Variants in PDE10A observed in about 807,000 individuals in gnomAD.
PDE10A encodes phosphodiesterase 10A.
A neutral mutation model predicts 97.7 loss-of-function variants in PDE10A; 39 were observed. That is an observed-to-expected ratio of 0.40 (90% CI 0.31 to 0.52). The LOEUF (loss-of-function observed/expected upper bound fraction) is 0.52, where lower values mean the gene tolerates loss of function less well. Ranked by LOEUF, PDE10A falls within the 20% of genes least tolerant of loss-of-function variation. The pLI is 0.56. For missense variants in PDE10A, 731 were observed against 1,047.8 expected (o/e 0.70, Z 4.17); for synonymous variants, 371 against 376.8 (o/e 0.98, Z 0.18).
rs5881672 is a variant in PDE10A at position 165,984,703 on chromosome 6, ATT to A, written c.-615+2824_-615+2825del. On this transcript the variant is annotated intron_variant, in intron 1 of 19. Transcript: ENST00000366882. ...GTGCTTGAATTTCTTACCAAATGCC[ATT>A]TTTTTTTTCAGTAAAAGTAACTTAA... 2.5e-3 allele frequency among the ~76,000 whole-genome samples: 377 copies of A among 151,578 alleles called. 2 individuals carry two copies. Among genetic ancestry groups the A allele is most frequent in the East Asian group, 7.7e-3 (40 of 5,168 alleles).
intron 1 of PDE10A, among the ~76,000 whole-genome samples, chr6:165,741,541 A>G (rs1331749658): frequency 1.3e-5 from 2 of 152,212 alleles, no homozygotes; most frequent in Non-Finnish European, 2.9e-5. Flanking sequence ...TTTGACTATT[A>G]GTAGTAAAGT....
chr6:165,408,193 A>G (rs1224547064), intron 13 of PDE10A, among the ~76,000 whole-genome samples: 1 of 152,240 alleles, frequency 6.6e-6, no homozygotes, highest in Non-Finnish European at 1.5e-5. Flanking sequence ...CAAGATCAAC[A>G]CAATTAAAAT....
At chr6:165,495,486 T>A (rs957322892) in intron 2 of PDE10A, among the ~76,000 whole-genome samples, 21 of 152,180 alleles carry the variant, frequency 1.4e-4, no homozygotes, top group African/African-American at 5.1e-4. Flanking sequence ...TTTTTTAATA[T>A]GCAAGATAGC....
chr6:165,834,133 T>G (rs1780006326), intron 1 of PDE10A, among the ~76,000 whole-genome samples: 1 of 152,232 alleles, frequency 6.6e-6, no homozygotes, highest in Admixed American at 6.5e-5. Context: ...TGGCAACACC[T>G]GGGACCACAT....
intron 3 of PDE10A, among the ~76,000 whole-genome samples, chr6:165,462,433 G>A (rs1778379426): frequency 6.6e-6 from 1 of 152,164 alleles, no homozygotes; most frequent in Admixed American, 6.5e-5. Context: ...ACAAAACGTT[G>A]GGAAATAGGT....
At chr6:165,582,502 A>T (rs1483021268) in intron 1 of PDE10A, among the ~76,000 whole-genome samples, 1 of 152,184 alleles carries the variant, frequency 6.6e-6, no homozygotes, top group Non-Finnish European at 1.5e-5. Flanking sequence ...GTCTAAATAA[A>T]ATAAATCTAC....
intron 3 of PDE10A, among the ~76,000 whole-genome samples, chr6:165,467,473 C>T (rs1265878297): frequency 6.6e-6 from 1 of 152,132 alleles, no homozygotes; most frequent in Non-Finnish European, 1.5e-5. Flanking sequence ...ATCTAAGGCT[C>T]AGTGACCACT....
At chr6:165,343,015 G>A (rs571460050) in intron 19 of PDE10A, among the ~76,000 whole-genome samples, 1 of 152,154 alleles carries the variant, frequency 6.6e-6, no homozygotes, top group Non-Finnish European at 1.5e-5. Context: ...TTAACTGCAG[G>A]TGGATATATC....
At chr6:165,902,926 C>G (rs1782154927) in intron 1 of PDE10A, among the ~76,000 whole-genome samples, 1 of 152,206 alleles carries the variant, frequency 6.6e-6, no homozygotes, top group Non-Finnish European at 1.5e-5. Context: ...TTAAGTGAAC[C>G]AGAAATAACT....
chr6:165,981,945 G>T (rs1785033103), intron 1 of PDE10A, among the ~76,000 whole-genome samples: 1 of 152,228 alleles, frequency 6.6e-6, no homozygotes, highest in Non-Finnish European at 1.5e-5. Context: ...TTAGGTAGAT[G>T]TAGGTCAGTT....
At chr6:165,562,114 G>A (rs1014445837) in intron 1 of PDE10A, among the ~76,000 whole-genome samples, 2 of 151,930 alleles carry the variant, frequency 1.3e-5, no homozygotes, top group Non-Finnish European at 2.9e-5. Context: ...CATCTTCCTT[G>A]GGAGCAGAAC....
intron 18 of PDE10A, among the ~76,000 whole-genome samples, chr6:165,370,109 A>C (rs1010277698): frequency 2.0e-4 from 30 of 152,342 alleles, no homozygotes; most frequent in Non-Finnish European, 4.1e-4. Flanking sequence ...CAACCGGTAC[A>C]GCCGCTGCAA....
At chr6:165,824,404 C>G (rs1166012018) in intron 1 of PDE10A, among the ~76,000 whole-genome samples, 1 of 152,202 alleles carries the variant, frequency 6.6e-6, no homozygotes, top group Non-Finnish European at 1.5e-5. Flanking sequence ...ACTCAAGAAG[C>G]TTTTGCTTTG....
At position 165,711,412 on chromosome 6, in the gene PDE10A, C is replaced by T. The variant is rs377200004; in HGVS notation, c.-614-167844G>A. Among the ~76,000 whole-genome samples, 2 of 152,244 alleles carry T rather than the reference C, an allele frequency of 1.3e-5. No individual in the cohort carries two copies. The highest frequency in any genetic ancestry group is 1.9e-4 in the East Asian group (1 of 5,166). On this transcript the variant is annotated intron_variant, in intron 1 of 19. Coordinates refer to the PDE10A transcript ENST00000366882. The surrounding 1 kb of genome is among the most constrained non-coding windows in gnomAD (Gnocchi z 4.5). ...GGTCCTAATGCTTGATTCAGAGCCA[C>T]GGAGACCAGAAATTCATGTTAGCTA...
At position 165,407,598 on chromosome 6, in the gene PDE10A, C is replaced by T. The variant is rs555389847; in HGVS notation, c.2076+5903G>A. ...AATACTTGGTGGTTGAATTCTGGAA[C>T]GAATAAAGGTTCAACCACTTATTCA... On this transcript the variant is annotated intron_variant, in intron 13 of 21. Coordinates refer to ENST00000539869, the MANE Select transcript of PDE10A (RefSeq NM_001385079.1). Among the ~76,000 whole-genome samples the T allele has an allele frequency of 5.9e-5, 9 of 152,306 alleles. 1 individual carries two copies. Among genetic ancestry groups the T allele is most frequent in the East Asian group, 5.8e-4 (3 of 5,182 alleles).
intron 2 of PDE10A, among the ~76,000 whole-genome samples, chr6:165,530,269 ATGTGTGTGTGTGTG>A (rs71026692): frequency 1.2e-4 from 18 of 147,986 alleles, no homozygotes; most frequent in South Asian, 4.4e-4. Flanking sequence ...CTCTTTATAT[ATGTGTGTGTGTGTG>A]TGTGTGTGTG....
chr6:165,403,963 C>CA (rs1487035058), intron 13 of PDE10A, among the ~76,000 whole-genome samples: 1 of 152,006 alleles, frequency 6.6e-6, no homozygotes, highest in Non-Finnish European at 1.5e-5. Context: ...TTAAGGGGTA[C>CA]AAAAATACAG....
chr6:165,582,675 A>G (rs370409963), intron 1 of PDE10A, among the ~76,000 whole-genome samples: 1 of 142,364 alleles, frequency 7.0e-6, no homozygotes, highest in Non-Finnish European at 1.5e-5. Flanking sequence ...GAGAACAAAC[A>G]AAAAAAAAAA....
intron 1 of PDE10A, among the ~76,000 whole-genome samples, chr6:165,723,187 A>C (rs1417114342): frequency 6.6e-6 from 1 of 152,176 alleles, no homozygotes; most frequent in Non-Finnish European, 1.5e-5. Flanking sequence ...ACACAGCCAC[A>C]TGCACTTGGA....
Sources: allele counts gnomAD v4.1 joint callset (sites outside exome capture counted in the v4.1 genomes callset), GRCh38; gene constraint gnomAD v4.1.1; non-coding constraint Gnocchi (gnomAD v3.1); transcripts MANE v1.5; gene names NCBI Gene and HGNC (gene_info 2026-07-23, HGNC 2026-07-21).